The following NOL10 variants were observed in gnomAD, a reference collection of about 807,000 sequenced individuals.
The protein encoded by NOL10 is H_NH0074G24.1.
In NOL10, 58 loss-of-function variants were observed where a neutral mutation model predicts 103.5. The ratio of observed to expected loss-of-function variants is 0.56; its 90% CI spans 0.45 to 0.70. The LOEUF is 0.70. Ranked by LOEUF, NOL10 falls within the 30% of genes least tolerant of loss-of-function variation. The pLI is 0.00. For missense variants in NOL10, 763 were observed against 807.3 expected, an observed-to-expected ratio of 0.95 and a Z score of 0.67; for synonymous variants, 287 against 282.5, an observed-to-expected ratio of 1.02 and a Z score of -0.16.
At chr2:10,635,826 T>C (rs1226259900) in intron 13 of NOL10, among the ~76,000 whole-genome samples, 1 of 152,194 alleles carries the variant, frequency 6.6e-6, no homozygotes, top group Non-Finnish European at 1.5e-5. Context: ...TTTTATAATA[T>C]AGGAAGACAA....
intron 3 of NOL10, among the ~76,000 whole-genome samples, chr2:10,677,605 G>C (rs1681405455): frequency 1.3e-5 from 2 of 151,586 alleles, no homozygotes; most frequent in Admixed American, 6.6e-5. Flanking sequence ...CCAAGTAGTG[G>C]GGACCAAGAG....
intron 13 of NOL10, among the ~76,000 whole-genome samples, chr2:10,618,369 G>C (rs1269988743): frequency 3.9e-5 from 6 of 152,094 alleles, no homozygotes; most frequent in African/African-American, 9.7e-5. Flanking sequence ...CTCTTAGAAA[G>C]AGCCCTGATT....
intron 11 of NOL10, among the ~76,000 whole-genome samples, chr2:10,657,116 C>G (rs1016414902): frequency 6.6e-6 from 1 of 152,108 alleles, no homozygotes; most frequent in African/African-American, 2.4e-5. Context: ...GCCAGGAGTT[C>G]AAGACCAGAC....
intron 12 of NOL10, among the ~76,000 whole-genome samples, chr2:10,645,559 A>T (rs1206159335): frequency 1.9e-4 from 27 of 143,554 alleles, no homozygotes; most frequent in Admixed American, 1.3e-3. Context: ...TTGAGACAAG[A>T]GTCTTGCTCT....
chr2:10,679,974 A>G (rs866075273), intron 3 of NOL10, among the ~76,000 whole-genome samples: 2 of 152,060 alleles, frequency 1.3e-5, no homozygotes, highest in South Asian at 2.1e-4. Flanking sequence ...GGCATTCTGA[A>G]TAAGAAGGAA....
In NOL10 at chr2:10,587,046, TATATATATACATATATATATAC is replaced by T. The variant is rs1418897461; in HGVS notation, c.1844+1975_1844+1996del. Among the ~76,000 whole-genome samples the T allele has an allele frequency of 2.2e-4, 12 of 55,574 alleles. 3 individuals carry two copies. Among genetic ancestry groups the T allele is most frequent in the East Asian group, 1.7e-3 (4 of 2,356 alleles). 36.5% of individuals were successfully genotyped at this position (55,574 alleles called of 152,430 possible). Reference sequence around the variant, plus strand: ...TAAATAACACAAAAAGTTAAATGTATATATATATACATATATATATACATATATATACATATATATACATATA... The same window carrying T: ...TAAATAACACAAAAAGTTAAATGTATATATATATACATATATATACATATA... On this transcript the variant is annotated intron_variant, in intron 19 of 20. Transcript: ENST00000381685.
intron 20 of NOL10, among the ~76,000 whole-genome samples, 154 bp from the exon 21 acceptor site, chr2:10,572,344 C>T (rs1052959485): frequency 1.1e-4 from 16 of 152,164 alleles, no homozygotes; most frequent in African/African-American, 3.9e-4. Context: ...GGTGGGGCTG[C>T]CTGGACTCTG....
intron 17 of NOL10, among the ~76,000 whole-genome samples, chr2:10,591,486 A>G (rs1675388362): frequency 6.6e-6 from 1 of 152,232 alleles, no homozygotes; most frequent in Non-Finnish European, 1.5e-5. Flanking sequence ...GTCTGGCGAC[A>G]TAAGAATGAT....
chr2:10,586,825 T>C (rs1012180423), intron 19 of NOL10, among the ~76,000 whole-genome samples: 4 of 151,758 alleles, frequency 2.6e-5, no homozygotes, highest in African/African-American at 9.7e-5. Flanking sequence ...ATGAGTACAG[T>C]ATACAATACA....
chr2:10,656,260 G>A (rs1679837333), intron 11 of NOL10, among the ~76,000 whole-genome samples: 2 of 152,148 alleles, frequency 1.3e-5, no homozygotes, highest in South Asian at 4.1e-4. Context: ...GCCAGAAAAA[G>A]AGCAGAGAAA....
intron 19 of NOL10, among the ~76,000 whole-genome samples, chr2:10,587,090 T>TACAC (rs1553296086): frequency 3.1e-5 from 2 of 64,904 alleles, no homozygotes; most frequent in African/African-American, 8.3e-5. Context: ...TATATATACA[T>TACAC]ATATATACAC....
intron 11 of NOL10, among the ~76,000 whole-genome samples, chr2:10,655,512 G>A (rs564204830): frequency 3.3e-5 from 5 of 151,982 alleles, no homozygotes; most frequent in Non-Finnish European, 7.4e-5. Context: ...TAACTGTTGG[G>A]GAAAAGTGTT....
intron 2 of NOL10, among the ~76,000 whole-genome samples, chr2:10,683,115 G>A (rs986397490): frequency 6.6e-6 from 1 of 152,098 alleles, no homozygotes; most frequent in African/African-American, 2.4e-5. Context: ...AAACTGCTAC[G>A]AAGCTGACTT....
At chr2:10,664,382 C>T (rs1680441986) in intron 8 of NOL10, among the ~76,000 whole-genome samples, 1 of 151,678 alleles carries the variant, frequency 6.6e-6, no homozygotes, top group Admixed American at 6.6e-5. Context: ...GAGCCGAGTC[C>T]AGCCTGGGAA....
chr2:10,623,358 G>A (rs955839354), intron 13 of NOL10, among the ~76,000 whole-genome samples: 35 of 152,232 alleles, frequency 2.3e-4, no homozygotes, highest in Admixed American at 2.0e-3. Flanking sequence ...ACCGGGGCTC[G>A]TGGGTCTTAC....
In NOL10 at chr2:10,671,918, A is replaced by G. The variant is rs192653265; in HGVS notation, c.328-228T>C. ...GATAGCTTTTCTGCAAACCTTACATACTAATTAAAGACTTGAAACAAACGC... is the reference window on the plus strand; with the variant it reads ...GATAGCTTTTCTGCAAACCTTACATGCTAATTAAAGACTTGAAACAAACGC... On this transcript the variant is annotated intron_variant, in intron 5 of 20. Coordinates refer to ENST00000381685, the MANE Select transcript of NOL10 (RefSeq NM_024894.4). 2.2e-3 allele frequency among the ~76,000 whole-genome samples: 339 copies of G among 152,302 alleles called. 1 individual carries two copies. The highest frequency in any genetic ancestry group is 7.8e-3 in the African/African-American group (323 of 41,546).
At chr2:10,597,609 C>G (rs1259016727) in intron 17 of NOL10, among the ~76,000 whole-genome samples, 1 of 152,206 alleles carries the variant, frequency 6.6e-6, no homozygotes, top group Non-Finnish European at 1.5e-5. Context: ...TTTCCAAGCA[C>G]AGCCTCAGAT....
intron 19 of NOL10, among the ~76,000 whole-genome samples, chr2:10,588,398 T>C (rs578034968): frequency 1.3e-5 from 2 of 152,324 alleles, no homozygotes; most frequent in African/African-American, 4.8e-5. Flanking sequence ...ACCATTCTAC[T>C]TTCTGCCTCT....
intron 20 of NOL10, among the ~76,000 whole-genome samples, chr2:10,573,371 T>G (rs1388713229): frequency 6.6e-6 from 1 of 152,164 alleles, no homozygotes; most frequent in Admixed American, 6.5e-5. Flanking sequence ...TTTTTGTATT[T>G]TTAGTAGAGA....
Sources: allele counts gnomAD v4.1 joint callset (sites outside exome capture counted in the v4.1 genomes callset), GRCh38; gene constraint gnomAD v4.1.1; transcripts MANE v1.5; gene names NCBI Gene and HGNC (gene_info 2026-07-23, HGNC 2026-07-21).